TAF5L: variants seen among roughly 807,000 people sequenced by gnomAD.
TAF5L encodes TATA-box binding protein associated factor 5 like, also known as TAF5-like RNA polymerase II p300/CBP-associated factor-associated factor 65 kDa subunit 5L.
Under a neutral mutation model 51.3 loss-of-function variants are expected in TAF5L, and 7 were observed. The observed-to-expected ratio is 0.14, with a 90% CI of 0.08 to 0.26. TAF5L has a LOEUF of 0.26. Among genes scored for constraint, TAF5L ranks in the 10% least tolerant of loss-of-function variants. TAF5L has a pLI of 1.00. For synonymous variants in TAF5L, 291 were observed against 308.1 expected (o/e 0.94, Z 0.58); for missense variants, 575 against 758.9 (o/e 0.76, Z 2.85).
chr1:229,596,925 T>C (rs550450081), intron 4 of TAF5L, among the ~76,000 whole-genome samples: 1 of 152,310 alleles, frequency 6.6e-6, no homozygotes, highest in South Asian at 2.1e-4. Context: ...ATGCCTCCCA[T>C]GTGTACATAT....
intron 3 of TAF5L, chr1:229,606,849 C>A (rs751052643): frequency 1.5e-4 from 152 of 985,306 alleles, no homozygotes; most frequent in Non-Finnish European, 1.8e-4. Context: ...AATAGGTGAG[C>A]TCACAGAATC....
At chr1:229,597,755 T>C (rs7520274) in intron 4 of TAF5L, among the ~76,000 whole-genome samples, 162 of 152,298 alleles carry the variant, frequency 1.1e-3, no homozygotes, top group Middle Eastern at 3.4e-3. Flanking sequence ...GAAACACACA[T>C]GAAATAGAAA....
intron 1 of TAF5L, among the ~76,000 whole-genome samples, chr1:229,622,450 C>G (rs549908219): frequency 6.6e-6 from 1 of 152,060 alleles, no homozygotes. Flanking sequence ...GGGAAGGCTG[C>G]CTGGTTTCTT....
At chr1:229,600,765 G>A (rs1664344543) in intron 4 of TAF5L, 1 of 985,312 alleles carries the variant, frequency 1.0e-6, no homozygotes, top group African/African-American at 1.7e-5. Flanking sequence ...AAGCCACAGA[G>A]CTAGTTACCA....
chr1:229,623,407 G>A (rs1665296697), intron 1 of TAF5L, among the ~76,000 whole-genome samples: 2 of 152,194 alleles, frequency 1.3e-5, no homozygotes, highest in South Asian at 4.1e-4. Flanking sequence ...ACCAATCCTT[G>A]GTTCTTCTTA....
intron 1 of TAF5L, among the ~76,000 whole-genome samples, 200 bp from the exon 2 acceptor site, chr1:229,614,685 A>G (rs1664908925): frequency 6.6e-6 from 1 of 152,234 alleles, no homozygotes; most frequent in Non-Finnish European, 1.5e-5. Flanking sequence ...CTCCAATGAC[A>G]ATACAGCCAA....
chr1:229,621,271 T>G (rs1014099508), intron 1 of TAF5L, among the ~76,000 whole-genome samples: 1 of 152,210 alleles, frequency 6.6e-6, no homozygotes, highest in Non-Finnish European at 1.5e-5. Context: ...CATCTTGGCT[T>G]AAAAAAGTTA....
At position 229,602,468 on chromosome 1, in the gene TAF5L, C is replaced by T; in HGVS notation, c.699G>A (p.Leu233=). The change falls in exon 4 of 5, where the codon CTG becomes CTA. Residue 233 remains leucine (L), a synonymous_variant. Transcript: ENST00000258281. The surrounding 1 kb of genome is among the most constrained non-coding windows in gnomAD (Gnocchi z 4.6). ...AGACCTCTAGGGCAGCCTCGTTCTG[C>T]AGAATAGGGCTGGGCATGTCGGGGG... is the stretch of plus-strand genomic sequence containing the variant. The T allele has an allele frequency of 1.9e-6, 3 of 1,614,136 alleles. No individual in the cohort carries two copies. The highest frequency in any genetic ancestry group is 2.2e-5 in the South Asian group (2 of 91,080).
At chr1:229,595,302 A>G (rs1664080177) in intron 4 of TAF5L, among the ~76,000 whole-genome samples, 1 of 152,236 alleles carries the variant, frequency 6.6e-6, no homozygotes, top group African/African-American at 2.4e-5. Context: ...TACGACTTAC[A>G]AATTGCTCCC....
intron 1 of TAF5L, among the ~76,000 whole-genome samples, chr1:229,617,627 G>T (rs1354939554): frequency 1.3e-5 from 2 of 152,186 alleles, no homozygotes; most frequent in Non-Finnish European, 2.9e-5. Context: ...GTGAATGACT[G>T]ATCTGGAGAA....
At chr1:229,610,262 T>C (rs1664740355) in intron 2 of TAF5L, 52 bp from the exon 3 acceptor site, 1 of 1,555,440 alleles carries the variant, frequency 6.4e-7, no homozygotes. Context: ...AGACGATTAT[T>C]AACCCAGTAC....
At chr1:229,601,111 T>C (rs1664355206) in intron 4 of TAF5L, 1 of 985,270 alleles carries the variant, frequency 1.0e-6, no homozygotes, top group Non-Finnish European at 1.2e-6. Context: ...ATCTAGACTC[T>C]TCACTCATCA....
chr1:229,623,917 A>G (rs956751231), intron 1 of TAF5L, among the ~76,000 whole-genome samples: 1 of 152,188 alleles, frequency 6.6e-6, no homozygotes, highest in Non-Finnish European at 1.5e-5. Flanking sequence ...TTCCTGAGGG[A>G]GCACAACAAT....
At chr1:229,597,367 G>A (rs1371905826) in intron 4 of TAF5L, among the ~76,000 whole-genome samples, 1 of 152,234 alleles carries the variant, frequency 6.6e-6, no homozygotes, top group East Asian at 1.9e-4. Context: ...AGTCCAGCTG[G>A]TGCTCCCCAG....
chr1:229,606,940 T>C, intron 3 of TAF5L: 1 of 985,426 alleles, frequency 1.0e-6, no homozygotes, highest in Non-Finnish European at 1.2e-6. Flanking sequence ...TTCCCTAGTA[T>C]CTTCCTTTGA....
intron 2 of TAF5L, among the ~76,000 whole-genome samples, chr1:229,613,582 T>G (rs1664867419): frequency 6.6e-6 from 1 of 152,188 alleles, no homozygotes; most frequent in South Asian, 2.1e-4. Flanking sequence ...AATGAGGTGA[T>G]ATGTAGGCTG....
chr1:229,602,257 A>G lies in TAF5L; in HGVS notation c.910T>C (p.Ser304Pro). 6.2e-7 allele frequency: 1 copy of G among 1,614,190 alleles called. No homozygotes were observed. The highest frequency in any genetic ancestry group is 8.5e-7 in the Non-Finnish European group (1 of 1,180,034). ...GACACGTCTACTTGGTGGGGCTCTGATTTTAACTTCTTGGATCGTAAACTC... is the reference window on the plus strand; with the variant it reads ...GACACGTCTACTTGGTGGGGCTCTGGTTTTAACTTCTTGGATCGTAAACTC... Residue 304 changes from serine to proline, a missense_variant, in exon 4 of 5, where the codon TCA becomes CCA. Ser to Pro is a moderately conservative substitution (Grantham distance 74). Around this residue, in one of 3 missense-constraint regions of TAF5L, gnomAD observed 380 missense variants for 443.7 expected, o/e 0.86. Coordinates refer to ENST00000258281, the Ensembl canonical transcript of TAF5L. This position sits in a 1 kb window ranked among gnomAD's most constrained non-coding sequence, Gnocchi z 4.6.
intron 3 of TAF5L, among the ~76,000 whole-genome samples, chr1:229,605,052 C>T (rs1402487911): frequency 6.6e-6 from 1 of 151,956 alleles, no homozygotes; most frequent in Non-Finnish European, 1.5e-5. Context: ...ATTGTCCTGC[C>T]TCAGCCTATT....
At chr1:229,598,352 C>T (rs138412852) in intron 4 of TAF5L, among the ~76,000 whole-genome samples, 1 of 152,200 alleles carries the variant, frequency 6.6e-6, no homozygotes, top group East Asian at 1.9e-4. Flanking sequence ...TACTATATGG[C>T]TCACATCATA....
Sources: allele counts gnomAD v4.1 joint callset (sites outside exome capture counted in the v4.1 genomes callset), GRCh38; gene constraint gnomAD v4.1.1; regional missense constraint gnomAD v4.1.1; non-coding constraint Gnocchi (gnomAD v3.1); transcripts MANE v1.5; gene names NCBI Gene and HGNC (gene_info 2026-07-23, HGNC 2026-07-21).